DNAI4: variants seen among roughly 807,000 people sequenced by gnomAD.
DNAI4 encodes the protein dynein axonemal intermediate chain 4.
Under a neutral mutation model 105.8 loss-of-function variants are expected in DNAI4, and 85 were observed. The ratio of observed to expected loss-of-function variants is 0.80; its 90% confidence interval spans 0.67 to 0.96. The LOEUF is 0.96. Among genes scored for constraint, DNAI4 ranks in the 40% least tolerant of loss-of-function variants. The pLI, the probability that DNAI4 is intolerant of heterozygous loss-of-function variation, is 0.00. For missense variants in DNAI4, 1,014 were observed against 1,005.6 expected, an observed-to-expected ratio of 1.01 and a Z score of -0.11; for synonymous variants, 352 against 331.5, an observed-to-expected ratio of 1.06 and a Z score of -0.67.
intron 1 of DNAI4, among the ~76,000 whole-genome samples, chr1:66,912,695 C>T (rs558050939): frequency 6.6e-6 from 1 of 152,242 alleles, no homozygotes; most frequent in African/African-American, 2.4e-5. Flanking sequence ...GAGTCACGGG[C>T]GCGCATGCTC....
intron 4 of DNAI4, among the ~76,000 whole-genome samples, chr1:66,877,539 T>G (rs1047716148): frequency 1.3e-5 from 2 of 152,218 alleles, no homozygotes; most frequent in African/African-American, 4.8e-5. Context: ...TTAGAGTTTC[T>G]GTATACCCTA....
At chr1:66,864,218 C>T (rs1334081571) in intron 6 of DNAI4, among the ~76,000 whole-genome samples, 1 of 152,104 alleles carries the variant, frequency 6.6e-6, no homozygotes, top group African/African-American at 2.4e-5. Context: ...TTAATAAGTG[C>T]AGTTTTGTAT....
At chr1:66,895,844 A>G (rs1239197509) in intron 2 of DNAI4, among the ~76,000 whole-genome samples, 4 of 152,188 alleles carry the variant, frequency 2.6e-5, no homozygotes, top group Non-Finnish European at 2.9e-5. Context: ...GGTAAATTAC[A>G]CTAAGGGTTT....
chr1:66,850,429 CAA>C (rs969774005), intron 7 of DNAI4, among the ~76,000 whole-genome samples: 6 of 134,740 alleles, frequency 4.5e-5, no homozygotes, highest in Admixed American at 1.5e-4. Context: ...GAATTTGTCT[CAA>C]AAAAAAAAAG....
At chr1:66,816,092 G>A (rs553469368) in intron 16 of DNAI4, among the ~76,000 whole-genome samples, 2 of 152,270 alleles carry the variant, frequency 1.3e-5, no homozygotes, top group Non-Finnish European at 2.9e-5. Context: ...AAGATTACTT[G>A]AGGCCAGGGG....
chr1:66,856,078 C>T (rs557191389), intron 7 of DNAI4, among the ~76,000 whole-genome samples: 85 of 151,972 alleles, frequency 5.6e-4, no homozygotes, highest in Non-Finnish European at 1.0e-3. Flanking sequence ...TCAGGTGATC[C>T]GCCTGTCTCG....
chr1:66,866,145 A>G (rs950353366), intron 6 of DNAI4, among the ~76,000 whole-genome samples: 1 of 152,090 alleles, frequency 6.6e-6, no homozygotes, highest in Non-Finnish European at 1.5e-5. Flanking sequence ...CATCTCTAGT[A>G]AAAATACAAA....
At chr1:66,869,175 C>T (rs1646791574) in intron 6 of DNAI4, among the ~76,000 whole-genome samples, 1 of 151,460 alleles carries the variant, frequency 6.6e-6, no homozygotes, top group South Asian at 2.1e-4. Flanking sequence ...TCCTAATACA[C>T]ATGAATATTA....
chr1:66,850,410 G>A (rs1029939249), intron 7 of DNAI4, among the ~76,000 whole-genome samples: 10 of 150,918 alleles, frequency 6.6e-5, no homozygotes, highest in African/African-American at 2.2e-4. Flanking sequence ...TCAGATGAAG[G>A]AATACTAAGA....
At chr1:66,830,132 C>T (rs1645835813) in intron 13 of DNAI4, among the ~76,000 whole-genome samples, 1 of 151,728 alleles carries the variant, frequency 6.6e-6, no homozygotes, top group Non-Finnish European at 1.5e-5. Flanking sequence ...TCAATGACCT[C>T]CACTTTCATT....
intron 7 of DNAI4, chr1:66,848,302 C>CAG: frequency 2.2e-6 from 1 of 455,540 alleles, no homozygotes; most frequent in South Asian, 1.6e-5. Flanking sequence ...GTCTCTCTCC[C>CAG]AGACCACAGC....
chr1:66,872,835 C>T (rs571000583), intron 5 of DNAI4, among the ~76,000 whole-genome samples: 2 of 152,026 alleles, frequency 1.3e-5, no homozygotes, highest in African/African-American at 2.4e-5. Flanking sequence ...GCCTCAGCCT[C>T]CTGAGTAGCT....
At position 66,833,479 on chromosome 1, in the gene DNAI4, A is replaced by G. The variant is rs1645912005; in HGVS notation, c.2013+106T>C. ...ACTTTCTGTCTCTAATATATTAGGC[A>G]CAGTATTCATTAACAGGCTAATATT... On this transcript the variant is annotated intron_variant, in intron 13 of 16. Coordinates refer to ENST00000371026, the MANE Select transcript of DNAI4 (RefSeq NM_024763.5). 3 of 1,283,734 alleles carry G rather than the reference A, an allele frequency of 2.3e-6. No homozygotes were observed. In the East Asian group the frequency reaches 7.2e-5, roughly 31 times the overall value. 79.5% of individuals were successfully genotyped at this position (1,283,734 alleles called of 1,614,324 possible).
At position 66,858,680 on chromosome 1, in the gene DNAI4, A is replaced by C. The variant is rs547013330; in HGVS notation, c.1096+3467T>G. 2.0e-5 allele frequency among the ~76,000 whole-genome samples: 3 copies of C among 152,280 alleles called. No homozygotes were observed. In the East Asian group the frequency reaches 5.8e-4, roughly 29 times the overall value. On this transcript the variant is annotated intron_variant, in intron 7 of 16. Transcript: ENST00000371026. ...TCAACATTCAGGATCCAATTAATGTAATCCATCACATCAACAAGCTAAAAA... is the reference window on the plus strand; with the variant it reads ...TCAACATTCAGGATCCAATTAATGTCATCCATCACATCAACAAGCTAAAAA...
chr1:66,856,341 C>T (rs1370432832), intron 7 of DNAI4, among the ~76,000 whole-genome samples: 14 of 151,434 alleles, frequency 9.2e-5, no homozygotes, highest in Admixed American at 3.3e-4. Context: ...GGCATGGTGG[C>T]GGGCGCCTGT....
intron 16 of DNAI4, among the ~76,000 whole-genome samples, chr1:66,820,505 G>C (rs1297036739): frequency 1.3e-5 from 2 of 151,616 alleles, no homozygotes; most frequent in African/African-American, 4.8e-5. Flanking sequence ...TCTAGGTGTG[G>C]GACACAGGCA....
Position 66,835,193 on chromosome 1 carries a change from C to CAGATAGATAGAT in DNAI4, c.1733+421_1733+432dup, listed in dbSNP as rs57056257. Among the ~76,000 whole-genome samples, 148 of 136,214 alleles carry CAGATAGATAGAT rather than the reference C, an allele frequency of 1.1e-3. 1 individual carries two copies. Among genetic ancestry groups the CAGATAGATAGAT allele is most frequent in the Middle Eastern group, 7.0e-3 (2 of 284 alleles). The allele number at this position is 136,214 out of a possible 152,430, so 89.4% of individuals were successfully genotyped here. On this transcript the variant is annotated intron_variant, in intron 11 of 16. Coordinates refer to ENST00000371026, the MANE Select transcript of DNAI4 (RefSeq NM_024763.5). ...TCAAGGAACTTATACCCTCCTTAGA[C>CAGATAGATAGAT]AGATAGATAGATAGATAGATAGATA...
At chr1:66,818,891 C>T (rs1042341436) in intron 16 of DNAI4, among the ~76,000 whole-genome samples, 30 of 151,980 alleles carry the variant, frequency 2.0e-4, no homozygotes, top group African/African-American at 6.5e-4. Flanking sequence ...CCAGCCTGGG[C>T]GACAAGAGTG....
At chr1:66,873,140 A>G (rs895131496) in intron 5 of DNAI4, among the ~76,000 whole-genome samples, 1 of 151,426 alleles carries the variant, frequency 6.6e-6, no homozygotes, top group Non-Finnish European at 1.5e-5. Context: ...ACCAAATTCA[A>G]CCTGAGGGAA....
Sources: allele counts gnomAD v4.1 joint callset (sites outside exome capture counted in the v4.1 genomes callset), GRCh38; gene constraint gnomAD v4.1.1; transcripts MANE v1.5; gene names NCBI Gene and HGNC (gene_info 2026-07-23, HGNC 2026-07-21).